TENM4: variants seen among roughly 807,000 people sequenced by gnomAD.
TENM4 encodes teneurin transmembrane protein 4, also known as teneurin-4.
A neutral mutation model predicts 243.3 loss-of-function variants in TENM4; 82 were observed. The observed-to-expected ratio is 0.34, with a 90% confidence interval of 0.28 to 0.40. TENM4 has a LOEUF of 0.40. TENM4 is among the 10% of genes least tolerant of loss of function. The pLI, the probability that TENM4 is intolerant of heterozygous loss-of-function variation, is 1.00. For missense variants in TENM4, 3,138 were observed against 3,673.3 expected (o/e 0.85, Z 3.77); for synonymous variants, 1,412 against 1,456.3 (o/e 0.97, Z 0.69).
chr11:78,888,197 T>A (rs553365671), intron 9 of TENM4, among the ~76,000 whole-genome samples: 5 of 152,238 alleles, frequency 3.3e-5, no homozygotes. Flanking sequence ...TGACATGTCA[T>A]CAATATTCTC....
intron 20 of TENM4, among the ~76,000 whole-genome samples, chr11:78,734,191 A>AAAAAAAT (rs150940857): frequency 3.3e-5 from 5 of 149,702 alleles, no homozygotes; most frequent in East Asian, 2.0e-4. Context: ...AACCTGTCTC[A>AAAAAAAT]AAAAAATAAA....
chr11:79,157,933 A>T (rs955415636), intron 3 of TENM4, among the ~76,000 whole-genome samples: 3 of 152,200 alleles, frequency 2.0e-5, no homozygotes, highest in African/African-American at 7.2e-5. Flanking sequence ...AGCATGTTCT[A>T]ACTAGTCTGG....
At chr11:78,712,759 CTA>C in intron 25 of TENM4, 45 bp from the exon 26 acceptor site, 1 of 1,556,948 alleles carries the variant, frequency 6.4e-7, no homozygotes, top group Non-Finnish European at 8.8e-7. Context: ...TTTCTTCTTC[CTA>C]TGAGTAGCTG....
At chr11:78,845,600 G>C (rs1858372333) in intron 12 of TENM4, among the ~76,000 whole-genome samples, 1 of 152,180 alleles carries the variant, frequency 6.6e-6, no homozygotes, top group African/African-American at 2.4e-5. Context: ...TTATTCCTAA[G>C]AGGGTGTTAC....
At position 78,825,204 on chromosome 11, in the gene TENM4, G is replaced by A. The variant is rs78665138; in HGVS notation, c.1682-10809C>T. On this transcript the variant is annotated intron_variant, in intron 12 of 33. Coordinates refer to ENST00000278550, the MANE Select transcript of TENM4 (RefSeq NM_001098816.3). Reference sequence around the variant, plus strand: ...ACCGGTCTAGGTCTGAATTCCAACCGTGTGACTTCTGAGGGTGTGATTTGG... The same window carrying A: ...ACCGGTCTAGGTCTGAATTCCAACCATGTGACTTCTGAGGGTGTGATTTGG... 8.6e-3 allele frequency among the ~76,000 whole-genome samples: 1,316 copies of A among 152,312 alleles called. 16 individuals carry two copies. The highest frequency in any genetic ancestry group is 0.03 in the African/African-American group (1,235 of 41,556).
chr11:79,178,376 G>A (rs927223693), intron 3 of TENM4, among the ~76,000 whole-genome samples: 1 of 152,128 alleles, frequency 6.6e-6, no homozygotes, highest in Non-Finnish European at 1.5e-5. Context: ...TTTAAACCTG[G>A]AGGTTGTATA....
rs140171583 is a variant in TENM4 at position 79,062,418 on chromosome 11, C to A, written c.493+2320G>T. Among the ~76,000 whole-genome samples the A allele has an allele frequency of 1.1e-4, 16 of 152,270 alleles. No individual in the cohort carries two copies. The East Asian group carries it at 3.1e-3, about 29-fold the overall frequency. On this transcript the variant is annotated intron_variant, in intron 6 of 33. Coordinates refer to ENST00000278550, the MANE Select transcript of TENM4 (RefSeq NM_001098816.3). Reference sequence around the variant, plus strand: ...GACCCAAAAAGCGTTTATTAGAATACTGGTCCCACCAGATGCTCTGAGAAT... The same window carrying A: ...GACCCAAAAAGCGTTTATTAGAATAATGGTCCCACCAGATGCTCTGAGAAT...
chr11:78,949,358 G>A (rs1857068900), intron 6 of TENM4, among the ~76,000 whole-genome samples: 1 of 152,192 alleles, frequency 6.6e-6, no homozygotes. Context: ...CACAGTAGGT[G>A]TGCTAGAAAT....
At chr11:79,075,961 G>C (rs1273023666) in intron 4 of TENM4, among the ~76,000 whole-genome samples, 1 of 152,174 alleles carries the variant, frequency 6.6e-6, no homozygotes. Flanking sequence ...ATCTCTCTGG[G>C]GTGTCAGCCC....
chr11:79,064,707 G>C, intron 6 of TENM4, 31 bp downstream of exon 6: 5 of 1,550,136 alleles, frequency 3.2e-6, no homozygotes, highest in Non-Finnish European at 4.4e-6. Flanking sequence ...CACCACCCAG[G>C]CACCCGGCAC....
Position 78,676,401 on chromosome 11 carries a change from C to A in TENM4, c.5261-14G>T, listed in dbSNP as rs768146451. 1.3e-6 allele frequency: 2 copies of A among 1,574,954 alleles called. No homozygotes were observed. Reference sequence around the variant, plus strand: ...TCCGGACTTGGTCTGCAGGAGAGGACAAGCACAGACTGCTCAGAAGGAACG... The same window carrying A: ...TCCGGACTTGGTCTGCAGGAGAGGAAAAGCACAGACTGCTCAGAAGGAACG... On this transcript the variant is annotated splice_polypyrimidine_tract_variant and intron_variant, in intron 29 of 33. Coordinates refer to ENST00000278550, the MANE Select transcript of TENM4 (RefSeq NM_001098816.3).
intron 6 of TENM4, among the ~76,000 whole-genome samples, chr11:78,913,264 A>T (rs890009157): frequency 1.3e-5 from 2 of 152,110 alleles, no homozygotes; most frequent in Non-Finnish European, 2.9e-5. Context: ...ATCACTTTTT[A>T]TATGCCTTGT....
intron 6 of TENM4, among the ~76,000 whole-genome samples, chr11:78,920,187 A>G (rs1407112250): frequency 6.6e-6 from 1 of 152,148 alleles, no homozygotes; most frequent in East Asian, 1.9e-4. Context: ...GACCATCGAT[A>G]TCAACTCAGC....
In TENM4 at chr11:78,854,128, C is replaced by T; in HGVS notation, c.1657G>A (p.Val553Ile). The change falls in exon 12 of 34, where the codon GTT becomes ATT. Residue 553 changes from valine (V) to isoleucine (I), a missense_variant. Transcript: ENST00000278550. ...CCAATGGCAGTGGTGAGAAAGGAAA[C>T]CACTTCTGACTCCTTTCCGTCATTG... ...FYNDGKESEV[V>I]SFLTTAIESV... 4 of 1,551,668 alleles carry T rather than the reference C, an allele frequency of 2.6e-6. No homozygotes were observed. The highest frequency in any genetic ancestry group is 3.5e-6 in the Non-Finnish European group (4 of 1,146,956).
chr11:79,303,992 T>G (rs932187322), intron 1 of TENM4, among the ~76,000 whole-genome samples: 6 of 152,230 alleles, frequency 3.9e-5, no homozygotes, highest in South Asian at 2.1e-4. Context: ...TGGGCTAATA[T>G]GGTAGGAGTG....
At chr11:79,117,308 C>G (rs567592094) in intron 4 of TENM4, among the ~76,000 whole-genome samples, 1 of 152,240 alleles carries the variant, frequency 6.6e-6, no homozygotes, top group Non-Finnish European at 1.5e-5. Flanking sequence ...TTTTTGTATT[C>G]AAGGGGCATG....
At position 78,667,637 on chromosome 11, in the gene TENM4, T is replaced by A. The variant is rs79383141; in HGVS notation, c.7408+1300A>T. ...AACCTTTGTCATGGTCCTCCCCTCT[T>A]GACAGCAGTTGCCTGTCTCTCCCCT... is the stretch of plus-strand genomic sequence containing the variant. On this transcript the variant is annotated intron_variant, in intron 32 of 33. Coordinates refer to ENST00000278550, the MANE Select transcript of TENM4 (RefSeq NM_001098816.3). Among the ~76,000 whole-genome samples, 1,427 of 152,246 alleles carry A rather than the reference T, an allele frequency of 9.4e-3. 22 individuals are homozygous for A. Among genetic ancestry groups the A allele is most frequent in the African/African-American group, 0.032 (1,317 of 41,534 alleles).
chr11:79,065,658 A>G (rs1860225260), intron 5 of TENM4, among the ~76,000 whole-genome samples: 1 of 152,144 alleles, frequency 6.6e-6, no homozygotes, highest in East Asian at 1.9e-4. Flanking sequence ...CTGGCAGAGA[A>G]AAGTCAGCCT....
intron 7 of TENM4, among the ~76,000 whole-genome samples, chr11:78,899,195 T>C (rs1342434272): frequency 6.6e-6 from 1 of 152,086 alleles, no homozygotes; most frequent in Non-Finnish European, 1.5e-5. Context: ...CGCAAGCCAC[T>C]GAGTATGAAG....
Sources: gnomAD v4.1 joint callset for allele counts (sites outside exome capture counted in the v4.1 genomes callset) on GRCh38, gnomAD v4.1.1 for gene constraint, MANE v1.5 for transcripts, NCBI Gene and HGNC (gene_info 2026-07-23, HGNC 2026-07-21) for gene names.